SKIC3: variants seen among roughly 807,000 people sequenced by gnomAD.
SKIC3 encodes the protein superkiller complex protein 3.
chr5:95,495,878 A>G, the SKIC3 span, among the ~76,000 whole-genome samples: 1 of 152,218 alleles, frequency 6.6e-6, no homozygotes, highest in Non-Finnish European at 1.5e-5. Context: ...AGATTTTAAA[A>G]ACATATTCTT....
the SKIC3 span, among the ~76,000 whole-genome samples, chr5:95,500,242 G>A: frequency 2.0e-5 from 3 of 152,134 alleles, no homozygotes; most frequent in East Asian, 1.9e-4. Context: ...TCTCCAAAGC[G>A]GAAATTCTAG....
At chr5:95,512,663 T>C in the SKIC3 span, 1 of 1,609,554 alleles carries the variant, frequency 6.2e-7, no homozygotes, top group Non-Finnish European at 8.5e-7. Flanking sequence ...AATAAATGTG[T>C]CAATAAAAAT....
chr5:95,466,655 G>C, the SKIC3 span, among the ~76,000 whole-genome samples: 1 of 152,186 alleles, frequency 6.6e-6, no homozygotes, highest in Non-Finnish European at 1.5e-5. Context: ...CAAGACCAGT[G>C]ACAATTCATG....
At chr5:95,530,327 T>G in the SKIC3 span, 1 of 1,379,900 alleles carries the variant, frequency 7.2e-7, no homozygotes, top group Non-Finnish European at 1.0e-6. Flanking sequence ...TATATTCTTA[T>G]GCATTCTTCA....
At chr5:95,527,732 A>G in the SKIC3 span, among the ~76,000 whole-genome samples, 1 of 152,236 alleles carries the variant, frequency 6.6e-6, no homozygotes, top group Non-Finnish European at 1.5e-5. Flanking sequence ...ATAATAATCA[A>G]GTAGTAATAA....
At chr5:95,537,017 A>G in the SKIC3 span, 1 of 1,606,450 alleles carries the variant, frequency 6.2e-7, no homozygotes, top group Non-Finnish European at 8.5e-7. Flanking sequence ...TACAAGTCAC[A>G]TTAGAGATTT....
chr5:95,534,878 A>G, the SKIC3 span, among the ~76,000 whole-genome samples: 1 of 152,208 alleles, frequency 6.6e-6, no homozygotes, highest in Non-Finnish European at 1.5e-5. Flanking sequence ...CTCATCTGCA[A>G]ACCACTGATG....
chr5:95,523,233 T>C, the SKIC3 span: 35 of 1,613,818 alleles, frequency 2.2e-5, no homozygotes, highest in Non-Finnish European at 2.8e-5. Context: ...TGACCAGCTT[T>C]CAAATAGTAT....
chr5:95,493,842 C>A, the SKIC3 span, among the ~76,000 whole-genome samples: 1 of 151,450 alleles, frequency 6.6e-6, no homozygotes, highest in African/African-American at 2.4e-5. Flanking sequence ...TAAAAATATA[C>A]CTTATAACCC....
chr5:95,536,478 C>A, the SKIC3 span: 1 of 266,032 alleles, frequency 3.8e-6, no homozygotes, highest in Non-Finnish European at 7.2e-6. Flanking sequence ...ATGCACCTAG[C>A]TCCACATCTC....
At chr5:95,501,318 T>C in the SKIC3 span, among the ~76,000 whole-genome samples, 1 of 152,182 alleles carries the variant, frequency 6.6e-6, no homozygotes, top group Non-Finnish European at 1.5e-5. Flanking sequence ...TCTTTTACCA[T>C]GTTCTAAGGA....
At chr5:95,541,193 C>T in the SKIC3 span, 25 of 954,184 alleles carry the variant, frequency 2.6e-5, no homozygotes, top group South Asian at 4.0e-5. Flanking sequence ...CTCGAACTCC[C>T]GACCTCAGGT....
the SKIC3 span, among the ~76,000 whole-genome samples, chr5:95,534,432 C>T: frequency 6.6e-5 from 10 of 152,128 alleles, no homozygotes; most frequent in African/African-American, 2.4e-4. Flanking sequence ...CATCCTACTA[C>T]TCCCTAATGC....
At chr5:95,483,951 T>C in the SKIC3 span, among the ~76,000 whole-genome samples, 1,191 of 152,270 alleles carry the variant, frequency 7.8e-3, 17 homozygotes, top group African/African-American at 0.027. Context: ...GAAGGGATAC[T>C]GGAAAATATA....
At chr5:95,527,166 T>G in the SKIC3 span, among the ~76,000 whole-genome samples, 1 of 152,228 alleles carries the variant, frequency 6.6e-6, no homozygotes, top group Non-Finnish European at 1.5e-5. Context: ...TTATAGTTTC[T>G]TGCTTTCTAG....
chr5:95,482,282 T>C, the SKIC3 span, among the ~76,000 whole-genome samples: 1 of 152,204 alleles, frequency 6.6e-6, no homozygotes, highest in Non-Finnish European at 1.5e-5. Flanking sequence ...TAAATCATCA[T>C]TGTAGCAGAT....
At chr5:95,470,180 A>G in the SKIC3 span, among the ~76,000 whole-genome samples, 252 of 152,040 alleles carry the variant, frequency 1.7e-3, 2 homozygotes, top group African/African-American at 5.8e-3. Flanking sequence ...GGGTTTCACC[A>G]TGTTAGCCAG....
chr5:95,550,961 T>G, the SKIC3 span, among the ~76,000 whole-genome samples: 1 of 152,022 alleles, frequency 6.6e-6, no homozygotes, highest in East Asian at 1.9e-4. Context: ...TATAAAAAAA[T>G]AGAGCCAAAG....
At chr5:95,486,572 G>A in the SKIC3 span, among the ~76,000 whole-genome samples, 8 of 152,134 alleles carry the variant, frequency 5.3e-5, no homozygotes, top group Non-Finnish European at 1.2e-4. Flanking sequence ...GCACCACCAG[G>A]GAGCCTAAGG....
Sources: allele counts gnomAD v4.1 joint callset (sites outside exome capture counted in the v4.1 genomes callset), GRCh38; gene constraint gnomAD v4.1.1; transcripts MANE v1.5; gene names NCBI Gene and HGNC (gene_info 2026-07-23, HGNC 2026-07-21).